ERP44: variants seen among roughly 807,000 people sequenced by gnomAD.
ERP44 encodes the protein endoplasmic reticulum resident protein 44.
Under a neutral mutation model 53.4 loss-of-function variants are expected in ERP44, and 25 were observed. The observed-to-expected ratio is 0.47, with a 90% CI of 0.34 to 0.65. The LOEUF (loss-of-function observed/expected upper bound fraction) is 0.65, where lower values mean the gene tolerates loss of function less well. Ranked by LOEUF, ERP44 falls within the 30% of genes least tolerant of loss-of-function variation. ERP44 has a pLI of 0.01. For missense variants in ERP44, 338 were observed against 493.2 expected, an observed-to-expected ratio of 0.69 and a Z score of 2.98; for synonymous variants, 145 against 161.2, an observed-to-expected ratio of 0.90 and a Z score of 0.76.
At chr9:100,068,831 G>A (rs1826266719) in intron 1 of ERP44, among the ~76,000 whole-genome samples, 4 of 152,198 alleles carry the variant, frequency 2.6e-5, no homozygotes, top group Non-Finnish European at 5.9e-5. Context: ...TGACAATGGC[G>A]TTTTTGTGGA....
chr9:100,084,897 A>C (rs556966190), intron 1 of ERP44, among the ~76,000 whole-genome samples: 22 of 152,218 alleles, frequency 1.4e-4, no homozygotes, highest in Non-Finnish European at 3.2e-4. Context: ...AAATAAAGTA[A>C]GCTAAGAAAG....
intron 10 of ERP44, among the ~76,000 whole-genome samples, chr9:100,003,102 ATTGTG>A (rs1830394610): frequency 6.6e-6 from 1 of 151,840 alleles, no homozygotes; most frequent in Non-Finnish European, 1.5e-5. Context: ...CTTTTCATTC[ATTGTG>A]TTCTTCAGCT....
chr9:99,995,368 T>C (rs1830300552), intron 10 of ERP44, among the ~76,000 whole-genome samples: 1 of 152,216 alleles, frequency 6.6e-6, no homozygotes, highest in South Asian at 2.1e-4. Flanking sequence ...TCCAGTAAAA[T>C]ACTAAAAGAA....
At chr9:99,998,858 CT>C (rs1406473803) in intron 10 of ERP44, 1 of 1,443,048 alleles carries the variant, frequency 6.9e-7, no homozygotes, top group Non-Finnish European at 9.7e-7. Context: ...AGGTGTAGTT[CT>C]TCTAGCAATG....
chr9:99,988,990 C>T (rs1372461974), intron 10 of ERP44, among the ~76,000 whole-genome samples: 2 of 152,218 alleles, frequency 1.3e-5, no homozygotes, highest in Admixed American at 6.5e-5. Context: ...AGGAGGGGTG[C>T]CTGCCATTGC....
chr9:100,035,260 G>GA (rs1359260873), intron 4 of ERP44, among the ~76,000 whole-genome samples: 1 of 152,102 alleles, frequency 6.6e-6, no homozygotes, highest in Non-Finnish European at 1.5e-5. Context: ...TGAACTGCAA[G>GA]AAAAACTACC....
intron 4 of ERP44, among the ~76,000 whole-genome samples, chr9:100,046,730 A>T (rs369652851): frequency 6.6e-6 from 1 of 152,226 alleles, no homozygotes; most frequent in Non-Finnish European, 1.5e-5. Flanking sequence ...CCCCAGTTAA[A>T]ATCCCAGTCG....
intron 4 of ERP44, among the ~76,000 whole-genome samples, chr9:100,030,452 T>TA (rs1564093540): frequency 6.6e-6 from 1 of 152,064 alleles, no homozygotes; most frequent in Non-Finnish European, 1.5e-5. Flanking sequence ...GAGTGTCTCC[T>TA]AAAAAAGAGT....
rs761511347 is a variant in ERP44, at chr9:100,007,704, A to G, written c.763-15T>C. On this transcript the variant is annotated splice_polypyrimidine_tract_variant and intron_variant, in intron 8 of 11. Transcript: ENST00000262455. ...TCTGTCAATTCCTGTAGAGAGAAGC[A>G]TTCAATGAGAATTATCAGGCTTCTC... 3.9e-6 allele frequency: 5 copies of G among 1,282,118 alleles called. No homozygotes were observed. The highest frequency in any genetic ancestry group is 1.1e-6 in the Non-Finnish European group (1 of 877,578). 79.4% of individuals were successfully genotyped at this position (1,282,118 alleles called of 1,614,324 possible).
chr9:99,993,105 T>G (rs1830273201), intron 10 of ERP44, among the ~76,000 whole-genome samples: 1 of 152,160 alleles, frequency 6.6e-6, no homozygotes. Flanking sequence ...AATTTATAGA[T>G]TCAATGCCAT....
rs537774638 is a variant in ERP44, at chr9:100,007,779, A to T, written c.763-90T>A. The T allele has an allele frequency of 4.0e-5, 30 of 752,134 alleles. No homozygotes were observed. The East Asian group carries it at 5.0e-4, about 12-fold the overall frequency. 46.6% of individuals were successfully genotyped at this position (752,134 alleles called of 1,614,324 possible). On this transcript the variant is annotated intron_variant, in intron 8 of 11. Transcript: ENST00000262455. ...GTAGGAACAATTTTGAACCCAACCC[A>T]TGTAATGCAATAGTTGCAATATCCC...
rs56066117 is a variant in ERP44 at position 100,043,258 on chromosome 9, CAAAAAAAAAAA to C, written c.286+9148_286+9158del. Among the ~76,000 whole-genome samples, 116 of 20,264 alleles carry C rather than the reference CAAAAAAAAAAA, an allele frequency of 5.7e-3. 3 individuals carry two copies. The highest frequency in any genetic ancestry group is 0.024 in the African/African-American group (95 of 3,984). The allele number at this position is 20,264 out of a possible 152,430, so 13.3% of individuals were successfully genotyped here. On this transcript the variant is annotated intron_variant, in intron 4 of 11. Coordinates refer to ENST00000262455, the MANE Select transcript of ERP44 (RefSeq NM_015051.3). Reference sequence around the variant, plus strand: ...TGGGCAACAGAGCGAGACTCTGTCTCAAAAAAAAAAAAAAAAAAAAAAAAAAAAAAAAAGAT... The same window carrying C: ...TGGGCAACAGAGCGAGACTCTGTCTCAAAAAAAAAAAAAAAAAAAAAAGAT...
intron 10 of ERP44, among the ~76,000 whole-genome samples, chr9:99,987,404 T>G (rs575767017): frequency 4.3e-4 from 65 of 152,374 alleles, no homozygotes; most frequent in Admixed American, 1.2e-3. Context: ...AACACCTAAG[T>G]GTTTCCCATC....
intron 4 of ERP44, among the ~76,000 whole-genome samples, chr9:100,043,291 A>AAAAG (rs1168903331): frequency 0.011 from 826 of 74,888 alleles, 270 homozygotes; most frequent in African/African-American, 0.042. Context: ...AAAAAAAAAA[A>AAAAG]GATAAATAAG....
intron 7 of ERP44, among the ~76,000 whole-genome samples, chr9:100,017,519 C>T (rs991383422): frequency 1.1e-4 from 16 of 152,078 alleles, no homozygotes; most frequent in Admixed American, 8.5e-4. Flanking sequence ...TATAAGCAAA[C>T]ACCTATGTGA....
chr9:100,036,912 C>G (rs1825852778), intron 4 of ERP44, among the ~76,000 whole-genome samples: 2 of 152,056 alleles, frequency 1.3e-5, no homozygotes, highest in Admixed American at 6.6e-5. Context: ...AAAATTACCT[C>G]TAGAGAGAGG....
chr9:100,030,370 C>A (rs1219650048), intron 4 of ERP44, among the ~76,000 whole-genome samples: 2 of 152,106 alleles, frequency 1.3e-5, no homozygotes, highest in Admixed American at 6.6e-5. Context: ...ACCAAATGGC[C>A]AACTCTGGGT....
intron 1 of ERP44, among the ~76,000 whole-genome samples, chr9:100,064,566 A>C (rs1466420009): frequency 6.6e-6 from 1 of 152,242 alleles, no homozygotes; most frequent in Non-Finnish European, 1.5e-5. Flanking sequence ...CACCTATTGC[A>C]GAAACCCCTC....
intron 1 of ERP44, among the ~76,000 whole-genome samples, chr9:100,074,163 G>T (rs1826332957): frequency 6.6e-6 from 1 of 152,116 alleles, no homozygotes; most frequent in Non-Finnish European, 1.5e-5. Context: ...TTCTGAAAAG[G>T]TAAATTTCGC....
Sources: allele counts gnomAD v4.1 joint callset (sites outside exome capture counted in the v4.1 genomes callset), GRCh38; gene constraint gnomAD v4.1.1; transcripts MANE v1.5; gene names NCBI Gene and HGNC (gene_info 2026-07-23, HGNC 2026-07-21).